The following MRTFB variants were observed in gnomAD, a reference collection of about 807,000 sequenced individuals.
MRTFB encodes myocardin-related transcription factor B.
In MRTFB, 29 loss-of-function variants were observed where a neutral mutation model predicts 104.2. The ratio of observed to expected loss-of-function variants is 0.28; its 90% CI spans 0.21 to 0.38. The LOEUF (loss-of-function observed/expected upper bound fraction) is 0.38, where lower values mean the gene tolerates loss of function less well. MRTFB is among the 10% of genes least tolerant of loss of function. MRTFB has a pLI of 1.00. For missense variants in MRTFB, 1,270 were observed against 1,341.6 expected, an observed-to-expected ratio of 0.95 and a Z score of 0.83; for synonymous variants, 535 against 519.5, an observed-to-expected ratio of 1.03 and a Z score of -0.41.
intron 1 of MRTFB, among the ~76,000 whole-genome samples, chr16:14,079,041 T>G (rs1445288782): frequency 1.3e-5 from 2 of 152,236 alleles, no homozygotes; most frequent in African/African-American, 2.4e-5. Flanking sequence ...CTTAGCCCGC[T>G]GCAGTTCTCC....
chr16:14,136,762 TC>T (rs141732114), intron 2 of MRTFB, among the ~76,000 whole-genome samples: 8,604 of 151,936 alleles, frequency 0.057, 476 homozygotes, highest in East Asian at 0.29. Flanking sequence ...GTTTTTTTTT[TC>T]CCCCTGTATT....
the MRTFB span, among the ~76,000 whole-genome samples, chr16:14,038,821 A>G: frequency 1.3e-5 from 2 of 152,336 alleles, no homozygotes; most frequent in Non-Finnish European, 2.9e-5. Flanking sequence ...ATTTATAAAG[A>G]AAAAGAGGTT....
intron 2 of MRTFB, among the ~76,000 whole-genome samples, chr16:14,089,025 T>C (rs2034890628): frequency 1.3e-5 from 2 of 152,206 alleles, no homozygotes; most frequent in Non-Finnish European, 2.9e-5. Flanking sequence ...AATAAATTAT[T>C]TCCTCATTTG....
At chr16:14,011,100 G>A in the MRTFB span, among the ~76,000 whole-genome samples, 1 of 152,220 alleles carries the variant, frequency 6.6e-6, no homozygotes, top group Non-Finnish European at 1.5e-5. Flanking sequence ...GTCACTTTTG[G>A]ACAAATCTCT....
the MRTFB span, among the ~76,000 whole-genome samples, chr16:14,044,419 T>C: frequency 3.3e-5 from 5 of 152,186 alleles, no homozygotes; most frequent in Admixed American, 3.3e-4. Flanking sequence ...CATTTTACCC[T>C]CATAATCCTG....
rs1190459274 is a variant in MRTFB at position 14,249,098 on chromosome 16, G to A, written c.2403+17G>A. 3 of 1,611,324 alleles carry A rather than the reference G, an allele frequency of 1.9e-6. No homozygotes were observed. Among genetic ancestry groups the A allele is most frequent in the Non-Finnish European group, 2.5e-6 (3 of 1,178,832 alleles). On this transcript the variant is annotated intron_variant, in intron 13 of 16. Coordinates refer to ENST00000571589, the MANE Select transcript of MRTFB (RefSeq NM_001308142.2). ...GTCAGAAAGGTTTGTAAATGCCAAG[G>A]AGCAATAGAATGTCGCTGATTTTTA...
At chr16:14,020,871 A>G in the MRTFB span, 1 of 152,112 alleles carries the variant, frequency 6.6e-6, no homozygotes, top group African/African-American at 2.4e-5. Context: ...GCTCTTCTGT[A>G]TTTCAGGGTG....
At chr16:14,075,816 C>G (rs1231522310) in intron 1 of MRTFB, among the ~76,000 whole-genome samples, 1 of 152,218 alleles carries the variant, frequency 6.6e-6, no homozygotes, top group African/African-American at 2.4e-5. Context: ...TTGCTTGTCA[C>G]CAATTTCAGA....
At position 14,113,402 on chromosome 16, in the gene MRTFB, C is replaced by T. The variant is rs142669132; in HGVS notation, c.-63-27142C>T. Among the ~76,000 whole-genome samples the T allele has an allele frequency of 4.6e-5, 7 of 152,260 alleles. No individual in the cohort carries two copies. The South Asian group carries it at 8.3e-4, about 18-fold the overall frequency. On this transcript the variant is annotated intron_variant, in intron 2 of 16. Coordinates refer to ENST00000571589, the MANE Select transcript of MRTFB (RefSeq NM_001308142.2). ...ACCTAGCAGAGAAATTGCCAAATAG[C>T]AGATGTTTATAAATATGAGTTGAAT...
At chr16:14,058,021 C>T in the MRTFB span, among the ~76,000 whole-genome samples, 7 of 152,294 alleles carry the variant, frequency 4.6e-5, no homozygotes, top group Middle Eastern at 6.8e-3. Flanking sequence ...CAGAATACCC[C>T]GGAGCAGGGA....
intron 3 of MRTFB, among the ~76,000 whole-genome samples, chr16:14,146,387 A>G (rs1048108582): frequency 1.3e-5 from 2 of 152,216 alleles, no homozygotes; most frequent in African/African-American, 4.8e-5. Flanking sequence ...TGCAGTTGTT[A>G]GGGTTTTGAG....
intron 9 of MRTFB, among the ~76,000 whole-genome samples, chr16:14,239,733 A>G (rs2042679180): frequency 6.6e-6 from 1 of 152,228 alleles, no homozygotes; most frequent in African/African-American, 2.4e-5. Flanking sequence ...ATTCATGTTC[A>G]TATCATTCAG....
chr16:14,084,291 A>G (rs1315905596), intron 2 of MRTFB, among the ~76,000 whole-genome samples: 1 of 152,214 alleles, frequency 6.6e-6, no homozygotes, highest in Non-Finnish European at 1.5e-5. Flanking sequence ...TGATCCCAGC[A>G]CTTTGGGAGG....
At chr16:14,180,917 T>C (rs2039747522) in intron 3 of MRTFB, among the ~76,000 whole-genome samples, 1 of 152,204 alleles carries the variant, frequency 6.6e-6, no homozygotes, top group Non-Finnish European at 1.5e-5. Flanking sequence ...TCAATTCTGC[T>C]GCAGTGCTTA....
intron 2 of MRTFB, among the ~76,000 whole-genome samples, chr16:14,136,293 A>T (rs1327005841): frequency 2.0e-5 from 3 of 152,064 alleles, no homozygotes; most frequent in Non-Finnish European, 1.5e-5. Flanking sequence ...AGAAAAAAAA[A>T]GTTCCTAAAT....
intron 3 of MRTFB, among the ~76,000 whole-genome samples, chr16:14,166,675 G>A (rs1011198288): frequency 6.8e-5 from 7 of 103,376 alleles, no homozygotes; most frequent in Admixed American, 2.4e-4. Flanking sequence ...ACCCACCCCC[G>A]ACAGCCCCCA....
chr16:14,134,923 AT>A (rs1204322009), intron 2 of MRTFB, among the ~76,000 whole-genome samples: 5 of 152,254 alleles, frequency 3.3e-5, no homozygotes, highest in Non-Finnish European at 7.3e-5. Flanking sequence ...GAGAGGGGTC[AT>A]TAAGGCAAAA....
intron 8 of MRTFB, among the ~76,000 whole-genome samples, chr16:14,225,954 G>C (rs1434880733): frequency 6.6e-6 from 1 of 152,158 alleles, no homozygotes; most frequent in Non-Finnish European, 1.5e-5. Flanking sequence ...AGAACACCTT[G>C]CTGTGGAGGG....
At chr16:14,096,973 AGC>A (rs1190473588) in intron 2 of MRTFB, among the ~76,000 whole-genome samples, 19 of 152,232 alleles carry the variant, frequency 1.2e-4, no homozygotes, top group African/African-American at 3.1e-4. Context: ...TAGAATTCTA[AGC>A]ACTTGGACTA....
Sources: allele counts gnomAD v4.1 joint callset (sites outside exome capture counted in the v4.1 genomes callset), GRCh38; gene constraint gnomAD v4.1.1; transcripts MANE v1.5; gene names NCBI Gene and HGNC (gene_info 2026-07-23, HGNC 2026-07-21).